Variants in KCNH1 observed in about 807,000 individuals in gnomAD.
KCNH1 encodes the protein voltage-gated delayed rectifier potassium channel KCNH1.
KCNH1 carries 27 observed loss-of-function variants against 69.2 expected under a neutral mutation model. That is an observed-to-expected ratio of 0.39 (90% CI 0.29 to 0.54). The LOEUF (loss-of-function observed/expected upper bound fraction) is 0.54, where lower values mean the gene tolerates loss of function less well. Among genes scored for constraint, KCNH1 ranks in the 20% least tolerant of loss-of-function variants. The pLI is 0.68. For missense variants in KCNH1, 798 were observed against 1,261.6 expected (o/e 0.63, Z 5.57); for synonymous variants, 456 against 487.7 (o/e 0.93, Z 0.86).
At chr1:210,772,085 C>G (rs545516817) in intron 10 of KCNH1, among the ~76,000 whole-genome samples, 1 of 152,338 alleles carries the variant, frequency 6.6e-6, no homozygotes, top group Non-Finnish European at 1.5e-5. Context: ...AAACTGTGAT[C>G]AGGAAGACTT....
intron 1 of KCNH1, among the ~76,000 whole-genome samples, chr1:211,118,803 G>A (rs765976278): frequency 5.3e-5 from 8 of 152,008 alleles, no homozygotes; most frequent in Non-Finnish European, 7.4e-5. Context: ...TCAAAATTAC[G>A]ACAAATAACA....
intron 7 of KCNH1, among the ~76,000 whole-genome samples, chr1:210,917,382 A>G (rs995108332): frequency 2.0e-5 from 3 of 152,120 alleles, no homozygotes; most frequent in African/African-American, 7.2e-5. Flanking sequence ...TGACTCTCAG[A>G]AGGTGGGAAG....
In KCNH1 at chr1:210,777,715, G is replaced by C. The variant is rs141673346; in HGVS notation, c.1916-2171C>G. Among the ~76,000 whole-genome samples the C allele has an allele frequency of 4.8e-4, 73 of 152,266 alleles. 1 individual carries two copies. The highest frequency in any genetic ancestry group is 4.3e-3 in the East Asian group (22 of 5,166). On this transcript the variant is annotated intron_variant, in intron 9 of 10. Transcript: ENST00000271751. ...ATATTTGTGTCATCTTGTTCCTCTA[G>C]AGAATATCCTTCCTCCAGCACATTA... is the stretch of plus-strand genomic sequence containing the variant.
At chr1:210,960,805 T>G (rs1357270444) in intron 6 of KCNH1, among the ~76,000 whole-genome samples, 3 of 152,218 alleles carry the variant, frequency 2.0e-5, no homozygotes, top group African/African-American at 4.8e-5. Flanking sequence ...AGGTATATAT[T>G]TGATTTTTAA....
intron 7 of KCNH1, among the ~76,000 whole-genome samples, chr1:210,856,789 ATATATT>A (rs201495463): frequency 8.2e-6 from 1 of 122,096 alleles, no homozygotes; most frequent in African/African-American, 3.1e-5. Flanking sequence ...TTATATATAT[ATATATT>A]TATATTTATA....
chr1:210,834,340 G>A (rs1574284787), intron 7 of KCNH1, among the ~76,000 whole-genome samples: 1 of 68,974 alleles, frequency 1.4e-5, no homozygotes, highest in African/African-American at 6.0e-5. Context: ...ATACACCATG[G>A]AATACTATGC....
chr1:210,776,836 T>C (rs1240383078), intron 9 of KCNH1, among the ~76,000 whole-genome samples: 2 of 152,242 alleles, frequency 1.3e-5, no homozygotes, highest in Non-Finnish European at 2.9e-5. Context: ...CACCTAGGGA[T>C]ATTCTTCCTA....
chr1:210,693,541 G>C (rs12742267), intron 10 of KCNH1, among the ~76,000 whole-genome samples: 1 of 152,136 alleles, frequency 6.6e-6, no homozygotes, highest in South Asian at 2.1e-4. Context: ...CAGAGGAGTG[G>C]ACAGATAAAA....
At chr1:210,940,542 G>C (rs1687858825) in intron 6 of KCNH1, among the ~76,000 whole-genome samples, 2 of 152,164 alleles carry the variant, frequency 1.3e-5, no homozygotes, top group Admixed American at 1.3e-4. Flanking sequence ...GTACCCAAAA[G>C]GCACATCTGC....
chr1:211,107,672 G>A (rs1037179736), intron 1 of KCNH1, among the ~76,000 whole-genome samples: 8 of 152,166 alleles, frequency 5.3e-5, no homozygotes, highest in Non-Finnish European at 1.2e-4. Context: ...ATTCCCATGA[G>A]ACATATTTAA....
At chr1:210,819,662 T>C (rs995507717) in intron 7 of KCNH1, among the ~76,000 whole-genome samples, 5 of 152,172 alleles carry the variant, frequency 3.3e-5, no homozygotes, top group African/African-American at 4.8e-5. Flanking sequence ...TTATACACTA[T>C]GATAAACTTG....
In KCNH1 at chr1:210,986,305, T is replaced by A. The variant is rs1182721972; in HGVS notation, c.1032+32478A>T. 2.0e-5 allele frequency among the ~76,000 whole-genome samples: 3 copies of A among 152,324 alleles called. No homozygotes were observed. The East Asian group carries it at 5.8e-4, about 29-fold the overall frequency. On this transcript the variant is annotated intron_variant, in intron 6 of 10. Transcript: ENST00000271751. ...TACATTTAAGGTTAATATTGTTATGTGTGAATTTGATCCTGTCATTATGAT... is the reference window on the plus strand; with the variant it reads ...TACATTTAAGGTTAATATTGTTATGAGTGAATTTGATCCTGTCATTATGAT...
intron 10 of KCNH1, among the ~76,000 whole-genome samples, chr1:210,739,169 C>T (rs1337357127): frequency 6.6e-6 from 1 of 152,096 alleles, no homozygotes; most frequent in Non-Finnish European, 1.5e-5. Context: ...TGACAGGTGC[C>T]CATATTACTT....
chr1:210,780,819 G>A (rs954104873), intron 9 of KCNH1, among the ~76,000 whole-genome samples: 8 of 151,952 alleles, frequency 5.3e-5, no homozygotes, highest in Admixed American at 2.6e-4. Context: ...AGGCCGAGGC[G>A]GGCAGATCAC....
At chr1:210,730,017 C>T (rs1682706113) in intron 10 of KCNH1, among the ~76,000 whole-genome samples, 1 of 152,174 alleles carries the variant, frequency 6.6e-6, no homozygotes, top group Non-Finnish European at 1.5e-5. Context: ...GCTGGGCCCT[C>T]TCTATTCATT....
intron 7 of KCNH1, among the ~76,000 whole-genome samples, chr1:210,835,338 T>C (rs1182506888): frequency 6.6e-6 from 1 of 152,212 alleles, no homozygotes; most frequent in Admixed American, 6.5e-5. Flanking sequence ...TTAAATATGT[T>C]CATGTGTGCC....
intron 9 of KCNH1, among the ~76,000 whole-genome samples, chr1:210,787,167 T>C (rs1216739184): frequency 6.6e-6 from 1 of 152,048 alleles, no homozygotes; most frequent in East Asian, 1.9e-4. Context: ...CTACTTTTTT[T>C]TTTTTTCCCA....
intron 5 of KCNH1, among the ~76,000 whole-genome samples, chr1:211,046,582 TAGAAA>T (rs1370318014): frequency 3.9e-5 from 6 of 152,146 alleles, no homozygotes; most frequent in Admixed American, 3.9e-4. Context: ...AACTAAGGCT[TAGAAA>T]AGTAACTTGT....
chr1:210,870,845 G>T (rs1235133752), intron 7 of KCNH1, among the ~76,000 whole-genome samples: 1 of 152,056 alleles, frequency 6.6e-6, no homozygotes, highest in Non-Finnish European at 1.5e-5. Flanking sequence ...AGATCATTCG[G>T]CTTAAGGGTA....
Sources: allele counts gnomAD v4.1 joint callset (sites outside exome capture counted in the v4.1 genomes callset), GRCh38; gene constraint gnomAD v4.1.1; transcripts MANE v1.5; gene names NCBI Gene and HGNC (gene_info 2026-07-23, HGNC 2026-07-21).